Variants in CLGN observed in about 807,000 individuals in gnomAD.
CLGN encodes the protein calmegin.
In CLGN, 62 loss-of-function variants were observed where a neutral mutation model predicts 79.1. That is an observed-to-expected ratio of 0.78 (90% confidence interval 0.64 to 0.97). CLGN has a LOEUF of 0.97. Among genes scored for constraint, CLGN ranks in the 50% least tolerant of loss-of-function variants. The pLI, the probability that CLGN is intolerant of heterozygous loss-of-function variation, is 0.00. For missense variants in CLGN, 647 were observed against 715.5 expected, an observed-to-expected ratio of 0.90 and a Z score of 1.09; for synonymous variants, 225 against 224.7, an observed-to-expected ratio of 1.00 and a Z score of -0.01.
In CLGN at chr4:140,388,655, A is replaced by G. The variant is rs1728719336; in HGVS notation, c.*569T>C. 1 of 151,992 alleles carries G rather than the reference A, an allele frequency of 6.6e-6. No homozygotes were observed. Among genetic ancestry groups the G allele is most frequent in the South Asian group, 2.1e-4 (1 of 4,838 alleles). The allele number at this position is 151,992 out of a possible 1,614,324, so 9.4% of individuals were successfully genotyped here. ...AATATAATCCAGTGATTTTATGAAC[A>G]AGGCATGTCCTTAAAGGAATCTATA... On this transcript the variant is annotated 3_prime_UTR_variant, in exon 15 of 15. Coordinates refer to ENST00000325617, the MANE Select transcript of CLGN (RefSeq NM_004362.3).
rs1000180732 is a variant in CLGN, at chr4:140,413,150, T to C, written c.-9-63A>G. The C allele has an allele frequency of 9.3e-6, 12 of 1,288,804 alleles. No individual in the cohort carries two copies. In the African/African-American group the frequency reaches 1.1e-4, roughly 11 times the overall value. The allele number at this position is 1,288,804 out of a possible 1,614,324, so 79.8% of individuals were successfully genotyped here. ...ATTGTGAAAATAAGTGTTAAGTATA[T>C]GTAGAAATAAATAATTTCTCCATAA... On this transcript the variant is annotated intron_variant, in intron 1 of 14. Coordinates refer to ENST00000325617, the MANE Select transcript of CLGN (RefSeq NM_004362.3).
At chr4:140,405,388 T>G (rs934854528) in intron 5 of CLGN, among the ~76,000 whole-genome samples, 5 of 150,554 alleles carry the variant, frequency 3.3e-5, no homozygotes, top group South Asian at 4.2e-4. Context: ...GTTTCACCGT[T>G]TTAGCCAGGA....
intron 6 of CLGN, among the ~76,000 whole-genome samples, chr4:140,401,108 T>C (rs1433737597): frequency 6.6e-6 from 1 of 152,182 alleles, no homozygotes; most frequent in Non-Finnish European, 1.5e-5. Flanking sequence ...GGTGTCACCC[T>C]GACTCAAATT....
chr4:140,422,331 G>C (rs1293817787), intron 1 of CLGN, among the ~76,000 whole-genome samples: 2 of 152,146 alleles, frequency 1.3e-5, no homozygotes, highest in East Asian at 3.9e-4. Flanking sequence ...GGATTGCACT[G>C]AATCTGTAGA....
At chr4:140,407,162 C>G (rs1007108677) in intron 4 of CLGN, among the ~76,000 whole-genome samples, 1 of 151,832 alleles carries the variant, frequency 6.6e-6, no homozygotes, top group Non-Finnish European at 1.5e-5. Context: ...TTCTTTCTCC[C>G]CCTGATTTGG....
intron 4 of CLGN, among the ~76,000 whole-genome samples, chr4:140,407,536 C>T (rs1023421020): frequency 3.4e-5 from 5 of 148,260 alleles, no homozygotes; most frequent in African/African-American, 1.0e-4. Context: ...ATAGCAACAA[C>T]GACCAAACTG....
At chr4:140,407,472 C>T (rs1157627566) in intron 4 of CLGN, among the ~76,000 whole-genome samples, 2 of 151,326 alleles carry the variant, frequency 1.3e-5, no homozygotes, top group African/African-American at 4.9e-5. Context: ...AAAATCAATT[C>T]AATAAAAGTC....
intron 6 of CLGN, among the ~76,000 whole-genome samples, chr4:140,401,320 C>A (rs1728995818): frequency 6.6e-6 from 1 of 152,154 alleles, no homozygotes; most frequent in African/African-American, 2.4e-5. Flanking sequence ...CCAATGGCCT[C>A]TCCTTCACTT....
chr4:140,402,256 ACAT>A (rs1434256817), intron 5 of CLGN, among the ~76,000 whole-genome samples, 190 bp from the exon 6 acceptor site: 2 of 152,068 alleles, frequency 1.3e-5, no homozygotes, highest in African/African-American at 4.8e-5. Flanking sequence ...AAAACAAGAC[ACAT>A]CATTAAAATA....
At position 140,411,196 on chromosome 4, in the gene CLGN, A is replaced by G. The variant is rs148070744; in HGVS notation, c.145-570T>C. ...GTGGCAGTGGTATTGCTGATGATAT[A>G]GTGGCTCCTTTAATTCTTATAATAT... On this transcript the variant is annotated intron_variant, in intron 2 of 14. Transcript: ENST00000325617. Among the ~76,000 whole-genome samples, 31 of 152,178 alleles carry G rather than the reference A, an allele frequency of 2.0e-4. No individual in the cohort carries two copies. The East Asian group carries it at 5.8e-3, about 28-fold the overall frequency.
At chr4:140,410,827 A>T (rs1365038940) in intron 2 of CLGN, among the ~76,000 whole-genome samples, 1 of 151,998 alleles carries the variant, frequency 6.6e-6, no homozygotes, top group Non-Finnish European at 1.5e-5. Flanking sequence ...GATGACAAAA[A>T]TACTATACGT....
intron 4 of CLGN, among the ~76,000 whole-genome samples, chr4:140,407,377 G>C (rs1729128169): frequency 6.6e-6 from 1 of 152,060 alleles, no homozygotes; most frequent in Non-Finnish European, 1.5e-5. Flanking sequence ...TGGAAACGAG[G>C]AAGTCAAGCT....
intron 4 of CLGN, among the ~76,000 whole-genome samples, chr4:140,407,586 CA>C (rs33994946): frequency 0.53 from 67,989 of 127,572 alleles, 16,812 homozygotes; most frequent in Non-Finnish European, 0.61. Context: ...ACAATGGCTG[CA>C]AAAAAAAAAA....
intron 2 of CLGN, among the ~76,000 whole-genome samples, chr4:140,410,876 G>A (rs990441964): frequency 6.6e-6 from 1 of 151,948 alleles, no homozygotes; most frequent in Non-Finnish European, 1.5e-5. Context: ...AACACAGAAG[G>A]AACAAAGGGA....
rs1272249636 is a variant in CLGN, at chr4:140,390,861, T to C, written c.1652-133A>G. 1.6e-4 allele frequency: 69 copies of C among 436,500 alleles called. No homozygotes were observed. In the East Asian group the frequency reaches 2.7e-3, roughly 17 times the overall value. 27.0% of individuals were successfully genotyped at this position (436,500 alleles called of 1,614,324 possible). Reference sequence around the variant, plus strand: ...CAAGATTTAGAAGCAACTTCTTCCATTCAAAATTTTAAAAATTATAAATAC... The same window carrying C: ...CAAGATTTAGAAGCAACTTCTTCCACTCAAAATTTTAAAAATTATAAATAC... On this transcript the variant is annotated intron_variant, in intron 13 of 14. Transcript: ENST00000325617.
chr4:140,404,608 T>A (rs1272868137), intron 5 of CLGN, among the ~76,000 whole-genome samples: 1 of 152,142 alleles, frequency 6.6e-6, no homozygotes, highest in Non-Finnish European at 1.5e-5. Flanking sequence ...GAATTGTTTT[T>A]AAACATATGA....
chr4:140,405,635 A>G (rs1363331970), intron 5 of CLGN, among the ~76,000 whole-genome samples: 1 of 152,196 alleles, frequency 6.6e-6, no homozygotes, highest in Non-Finnish European at 1.5e-5. Context: ...CATTTAGTCA[A>G]TACAAGCACT....
chr4:140,409,996 G>T, intron 3 of CLGN, 101 bp from the exon 4 acceptor site: 1 of 680,256 alleles, frequency 1.5e-6, no homozygotes, highest in Non-Finnish European at 2.4e-6. Context: ...ACCCAATACA[G>T]TCACTTTTCA....
rs77636838 is a variant in CLGN at position 140,409,372 on chromosome 4, C to T, written c.277+465G>A. ...GGTTGAAGATAATCCTATTAGACACCCTATGATAATGGATATAGACCTGGA... is the reference window on the plus strand; with the variant it reads ...GGTTGAAGATAATCCTATTAGACACTCTATGATAATGGATATAGACCTGGA... On this transcript the variant is annotated intron_variant, in intron 4 of 14. Coordinates refer to ENST00000325617, the MANE Select transcript of CLGN (RefSeq NM_004362.3). Among the ~76,000 whole-genome samples, 46 of 152,076 alleles carry T rather than the reference C, an allele frequency of 3.0e-4. No individual in the cohort carries two copies. In the East Asian group the frequency reaches 8.7e-3, roughly 29 times the overall value.
Sources: gnomAD v4.1 joint callset for allele counts (sites outside exome capture counted in the v4.1 genomes callset) on GRCh38, gnomAD v4.1.1 for gene constraint, MANE v1.5 for transcripts, NCBI Gene and HGNC (gene_info 2026-07-23, HGNC 2026-07-21) for gene names.